NOBOX: variants seen among roughly 807,000 people sequenced by gnomAD.
The protein encoded by NOBOX is NOBOX oogenesis homeobox.
A neutral mutation model predicts 60.2 loss-of-function variants in NOBOX; 46 were observed. That is an observed-to-expected ratio of 0.76 (90% confidence interval 0.60 to 0.98). NOBOX has a LOEUF of 0.98. Among genes scored for constraint, NOBOX ranks in the 50% least tolerant of loss-of-function variants. The pLI is 0.00. For synonymous variants in NOBOX, 360 were observed against 346.3 expected, an observed-to-expected ratio of 1.04 and a Z score of -0.44; for missense variants, 880 against 865.5, an observed-to-expected ratio of 1.02 and a Z score of -0.21.
rs779978396 is a variant in NOBOX, at chr7:144,399,840, G to A, written c.1071C>T (p.Ala357=). ...TCAGTTTCTCCATTTTTCGCCACTT[G>A]GCCCGGCGATTCTGGAACCACACCT... is the stretch of plus-strand genomic sequence containing the variant. Residue 357 remains alanine (A), a synonymous_variant, in exon 6 of 10, where the codon GCC becomes GCT. Coordinates refer to ENST00000467773, the MANE Select transcript of NOBOX (RefSeq NM_001080413.3). 1.2e-6 allele frequency: 2 copies of A among 1,612,026 alleles called. No homozygotes were observed. Among genetic ancestry groups the A allele is most frequent in the Non-Finnish European group, 8.5e-7 (1 of 1,178,600 alleles).
chr7:144,405,225 T>C (rs1363451746), intron 1 of NOBOX, among the ~76,000 whole-genome samples: 3 of 152,176 alleles, frequency 2.0e-5, no homozygotes, highest in Non-Finnish European at 4.4e-5. Flanking sequence ...GGCGTTCAGA[T>C]AGATGGGGCC....
intron 2 of NOBOX, among the ~76,000 whole-genome samples, chr7:144,404,181 GC>G (rs1373268329): frequency 3.3e-5 from 5 of 152,208 alleles, no homozygotes; most frequent in Non-Finnish European, 5.9e-5. Flanking sequence ...GCGCTGGGTT[GC>G]CCAACTCCCA....
At position 144,401,864 on chromosome 7, in the gene NOBOX, C is replaced by A. The variant is rs376470908; in HGVS notation, c.292+5G>T. 6.3e-7 allele frequency: 1 copy of A among 1,585,078 alleles called. No homozygotes were observed. The highest frequency in any genetic ancestry group is 8.7e-7 in the Non-Finnish European group (1 of 1,154,178). On this transcript the variant is annotated splice_donor_5th_base_variant and intron_variant, in intron 3 of 9. Transcript: ENST00000467773. This position sits in a 1 kb window ranked among gnomAD's most constrained non-coding sequence, Gnocchi z 4.2. ...CATGGTATCTCCTAATTTGGGGGTACTCACCCCTTGTGAGTTCCCTTTTCC... is the reference window on the plus strand; with the variant it reads ...CATGGTATCTCCTAATTTGGGGGTAATCACCCCTTGTGAGTTCCCTTTTCC...
At position 144,401,633 on chromosome 7, in the gene NOBOX, G is replaced by A. The variant is rs768084403; in HGVS notation, c.293-36C>T. On this transcript the variant is annotated intron_variant, in intron 3 of 9. Coordinates refer to ENST00000467773, the MANE Select transcript of NOBOX (RefSeq NM_001080413.3). This position sits in a 1 kb window ranked among gnomAD's most constrained non-coding sequence, Gnocchi z 4.2. ...CCAACATCCACTGACCTTAGCACCA[G>A]GGAGAAGGAAGAACTGGACCAAGAG... The A allele has an allele frequency of 6.4e-5, 96 of 1,493,548 alleles. No individual in the cohort carries two copies. The highest frequency in any genetic ancestry group is 8.5e-5 in the Non-Finnish European group (96 of 1,128,830). 92.5% of individuals were successfully genotyped at this position (1,493,548 alleles called of 1,614,324 possible). A position where few individuals can be genotyped will look rare whatever the true frequency, so the allele number is the denominator to read the frequency against.
chr7:144,401,013 G>A lies in NOBOX; in HGVS notation c.844+33C>T, dbSNP rs778269813. ...CCCACCTTTCCCCAGGATGACCCCA[G>A]ATCTCTTCGGTTTCCTCTCTTTAGG... On this transcript the variant is annotated intron_variant, in intron 4 of 9. Coordinates refer to ENST00000467773, the MANE Select transcript of NOBOX (RefSeq NM_001080413.3). This position sits in a 1 kb window ranked among gnomAD's most constrained non-coding sequence, Gnocchi z 4.2. The A allele has an allele frequency of 6.8e-7, 1 of 1,478,186 alleles. No individual in the cohort carries two copies. 91.6% of individuals were successfully genotyped at this position (1,478,186 alleles called of 1,614,324 possible).
intron 1 of NOBOX, chr7:144,410,004 C>A: frequency 1.8e-6 from 1 of 546,626 alleles, no homozygotes; most frequent in Non-Finnish European, 3.2e-6. Flanking sequence ...TAGATTTTTC[C>A]AATGTTTGAG....
chr7:144,407,637 C>T (rs1277614716), intron 1 of NOBOX, among the ~76,000 whole-genome samples: 1 of 152,252 alleles, frequency 6.6e-6, no homozygotes, highest in Non-Finnish European at 1.5e-5. Flanking sequence ...GTCCCAGAGA[C>T]TGGGAGAGAC....
At chr7:144,404,901 A>T (rs2053975107) in intron 1 of NOBOX, among the ~76,000 whole-genome samples, 1 of 152,148 alleles carries the variant, frequency 6.6e-6, no homozygotes, top group Non-Finnish European at 1.5e-5. Flanking sequence ...AGGGCTGGTC[A>T]GATAGAAACA....
Position 144,404,605 on chromosome 7 carries a change from G to A in NOBOX, c.161C>T (p.Ser54Phe), listed in dbSNP as rs765614989. The change falls in exon 2 of 10, where the codon TCC (serine) becomes TTC (phenylalanine). Residue 54 changes from serine (S) to phenylalanine (F), a missense_variant. Physicochemically the swap from Ser to Phe is radical, Grantham distance 155. Transcript: ENST00000467773. ...AAGGCTGCACCGGATGATGAAGAAG[G>A]AGCTGAAAGAGCCACAGACTCCGTA... The A allele has an allele frequency of 9.9e-6, 16 of 1,613,988 alleles. 1 individual carries two copies. In the South Asian group the frequency reaches 1.5e-4, roughly 16 times the overall value.
At chr7:144,399,551 G>A in intron 6 of NOBOX, 69 bp from the exon 5 acceptor site, 1 of 1,338,180 alleles carries the variant, frequency 7.5e-7, no homozygotes, top group Non-Finnish European at 1.0e-6. Context: ...CTCATTGCCA[G>A]GAGAGACACC....
In NOBOX at chr7:144,399,209, C is replaced by T. The variant is rs200439282; in HGVS notation, c.1241-31G>A. ...AACAGAAGGCAAAGAGGTGCTATAA[C>T]GGTAAGGAAATGGGAGGCAGGTTTG... On this transcript the variant is annotated intron_variant, in intron 7 of 9. Transcript: ENST00000467773. The T allele has an allele frequency of 2.1e-4, 248 of 1,159,736 alleles. 1 individual carries two copies. The Middle Eastern group carries it at 2.8e-3, about 13-fold the overall frequency. 71.8% of individuals were successfully genotyped at this position (1,159,736 alleles called of 1,614,324 possible).
In NOBOX at chr7:144,398,551, T is replaced by A. The variant is rs776231296; in HGVS notation, c.1505A>T (p.Glu502Val). ...CTGTTGGTAATCCTGGGGCTCCAGC[T>A]CCTCCAAATATGAACAGGGGGGTGG... The change falls in exon 9 of 10, where the codon GAG becomes GTG. Residue 502 changes from glutamate to valine, a missense_variant. Transcript: ENST00000467773. 1 of 1,535,438 alleles carries A rather than the reference T, an allele frequency of 6.5e-7. No homozygotes were observed. The highest frequency in any genetic ancestry group is 8.7e-7 in the Non-Finnish European group (1 of 1,146,672).
chr7:144,403,020 G>C (rs1317081846), intron 2 of NOBOX, among the ~76,000 whole-genome samples: 4 of 152,246 alleles, frequency 2.6e-5, no homozygotes, highest in African/African-American at 9.6e-5. Flanking sequence ...CCCTCCCAAC[G>C]TGCTGGGATT....
At chr7:144,409,487 C>T (rs1009522672) in intron 1 of NOBOX, among the ~76,000 whole-genome samples, 8 of 152,166 alleles carry the variant, frequency 5.3e-5, no homozygotes, top group African/African-American at 1.4e-4. Flanking sequence ...ATTGTAATTA[C>T]ACTCCATATA....
At chr7:144,405,367 A>C (rs188242524) in intron 1 of NOBOX, among the ~76,000 whole-genome samples, 64 of 152,330 alleles carry the variant, frequency 4.2e-4, no homozygotes, top group African/African-American at 1.3e-3. Flanking sequence ...AATGGAACCC[A>C]GGCACGTCCT....
chr7:144,400,361 T>C (rs2128861504), intron 4 of NOBOX, 49 bp from the exon 3 acceptor site: 1 of 1,544,946 alleles, frequency 6.5e-7, no homozygotes, highest in Non-Finnish European at 8.9e-7. Context: ...CAGTGACAGG[T>C]AGGTGAAGAG....
At chr7:144,403,603 C>A (rs556774753) in intron 2 of NOBOX, 54 bp downstream of exon 1, 5 of 684,374 alleles carry the variant, frequency 7.3e-6, no homozygotes, top group East Asian at 2.8e-5. Flanking sequence ...GCCTCCCCCC[C>A]TCCCCGAACC....
In NOBOX at chr7:144,399,414, G is replaced by A; in HGVS notation, c.1223C>T (p.Pro408Leu). ...GAACTCACCTGGAAAGGTATCCAGA[G>A]GGGACTCCTGAGGGAAAGGGTCAGG... Residue 408 changes from proline (P) to leucine (L), a missense_variant, in exon 7 of 10, where the codon CCT (proline) becomes CTT (leucine). By Grantham distance (98) the Pro-to-Leu change is moderately conservative (BLOSUM62 -3). Transcript: ENST00000467773. 1.3e-6 allele frequency: 2 copies of A among 1,585,070 alleles called. No individual in the cohort carries two copies. Among genetic ancestry groups the A allele is most frequent in the Non-Finnish European group, 8.6e-7 (1 of 1,165,188 alleles).
At chr7:144,406,592 A>G (rs1484451766) in intron 1 of NOBOX, among the ~76,000 whole-genome samples, 2 of 152,158 alleles carry the variant, frequency 1.3e-5, no homozygotes, top group African/African-American at 4.8e-5. Flanking sequence ...ATTTTTCCAA[A>G]CATAGAAATG....
Sources: allele counts gnomAD v4.1 joint callset (sites outside exome capture counted in the v4.1 genomes callset), GRCh38; gene constraint gnomAD v4.1.1; non-coding constraint Gnocchi (gnomAD v3.1); transcripts MANE v1.5; gene names NCBI Gene and HGNC (gene_info 2026-07-23, HGNC 2026-07-21).